The following USP32 variants were observed in gnomAD, a reference collection of about 807,000 sequenced individuals.
The protein encoded by USP32 is ubiquitin carboxyl-terminal hydrolase 32.
A neutral mutation model predicts 204.8 loss-of-function variants in USP32; 59 were observed. That is an observed-to-expected ratio of 0.29 (90% confidence interval 0.23 to 0.36). The LOEUF (loss-of-function observed/expected upper bound fraction) is 0.36, where lower values mean the gene tolerates loss of function less well. Ranked by LOEUF, USP32 falls within the 10% of genes least tolerant of loss-of-function variation. The probability of loss-of-function intolerance (pLI) is 1.00; values close to 1 mark genes in which losing one functional copy is unlikely to be tolerated. For synonymous variants in USP32, 517 were observed against 678.4 expected, an observed-to-expected ratio of 0.76 and a Z score of 3.70; for missense variants, 1,160 against 1,946.4, an observed-to-expected ratio of 0.60 and a Z score of 7.60.
At chr17:60,288,872 C>T (rs1290912591) in intron 4 of USP32, among the ~76,000 whole-genome samples, 190 bp from the exon 5 acceptor site, 3 of 152,198 alleles carry the variant, frequency 2.0e-5, no homozygotes, top group African/African-American at 7.2e-5. Flanking sequence ...ACTTGTGCTT[C>T]ATAACTTCTA....
chr17:60,287,450 C>A (rs1349025440), intron 5 of USP32, among the ~76,000 whole-genome samples: 1 of 152,170 alleles, frequency 6.6e-6, no homozygotes, highest in Non-Finnish European at 1.5e-5. Flanking sequence ...AAACCCTTAC[C>A]CATGAGCCTT....
intron 2 of USP32, among the ~76,000 whole-genome samples, chr17:60,326,400 T>A (rs1448144727): frequency 6.6e-6 from 1 of 151,508 alleles, no homozygotes; most frequent in Non-Finnish European, 1.5e-5. Context: ...AACCTCCGCC[T>A]CCTAGGTTCA....
intron 3 of USP32, among the ~76,000 whole-genome samples, chr17:60,298,480 T>C (rs1000833041): frequency 2.0e-5 from 3 of 152,226 alleles, no homozygotes; most frequent in Admixed American, 6.5e-5. Context: ...TTAGGTTATT[T>C]ATAATACCTA....
At chr17:60,302,829 A>G (rs1334893375) in intron 2 of USP32, among the ~76,000 whole-genome samples, 1 of 152,244 alleles carries the variant, frequency 6.6e-6, no homozygotes, top group Non-Finnish European at 1.5e-5. Flanking sequence ...ACTCTCAGAA[A>G]TAAGTATTAT....
intron 1 of USP32, among the ~76,000 whole-genome samples, chr17:60,348,968 T>C (rs2146016911): frequency 6.6e-6 from 1 of 152,252 alleles, no homozygotes; most frequent in East Asian, 1.9e-4. Context: ...TATTAACATT[T>C]GCAATTGAAG....
chr17:60,323,150 A>T (rs1334848022), intron 2 of USP32, among the ~76,000 whole-genome samples: 1 of 152,186 alleles, frequency 6.6e-6, no homozygotes, highest in East Asian at 1.9e-4. Flanking sequence ...CAAGGTATAT[A>T]TCCAAAGAAA....
intron 1 of USP32, among the ~76,000 whole-genome samples, chr17:60,414,081 G>T (rs865845392): frequency 2.6e-5 from 4 of 151,928 alleles, no homozygotes; most frequent in African/African-American, 9.7e-5. Flanking sequence ...AGATGTTATC[G>T]GCTGGGCGTG....
At chr17:60,410,984 T>C (rs914687485) in intron 1 of USP32, among the ~76,000 whole-genome samples, 2 of 150,912 alleles carry the variant, frequency 1.3e-5, no homozygotes, top group Non-Finnish European at 2.9e-5. Context: ...GAGACCAGCC[T>C]GGACAACATA....
At chr17:60,274,296 A>C (rs961399083) in intron 5 of USP32, among the ~76,000 whole-genome samples, 6 of 152,226 alleles carry the variant, frequency 3.9e-5, no homozygotes, top group African/African-American at 1.4e-4. Context: ...AAAACGTATT[A>C]GAATCTTAGT....
chr17:60,198,230 C>A (rs768252863), intron 27 of USP32, 30 bp downstream of exon 27: 1 of 1,601,588 alleles, frequency 6.2e-7, no homozygotes, highest in Admixed American at 1.8e-5. Flanking sequence ...GTTTGGAAAC[C>A]ACAGGTTTAG....
intron 24 of USP32, 94 bp from the exon 25 acceptor site, chr17:60,207,226 G>A (rs553909602): frequency 2.2e-5 from 33 of 1,478,734 alleles, no homozygotes; most frequent in Non-Finnish European, 2.9e-5. Flanking sequence ...TGTCTTAGGC[G>A]CTTTCATCCG....
chr17:60,241,324 G>A (rs113681537), intron 11 of USP32, among the ~76,000 whole-genome samples: 2,070 of 152,184 alleles, frequency 0.014, 21 homozygotes, highest in Non-Finnish European at 0.02. Flanking sequence ...TATAAATAAG[G>A]TATGTTCTGC....
chr17:60,341,176 T>C (rs898099263), intron 2 of USP32, among the ~76,000 whole-genome samples: 3 of 152,192 alleles, frequency 2.0e-5, no homozygotes, highest in Non-Finnish European at 4.4e-5. Flanking sequence ...AGGAGTATCT[T>C]TGTGGTGTTC....
chr17:60,221,528 G>A (rs1337522506), intron 15 of USP32, among the ~76,000 whole-genome samples: 11 of 148,046 alleles, frequency 7.4e-5, no homozygotes, highest in Admixed American at 1.4e-4. Context: ...TTTTTGAGAC[G>A]GAATCTCGCT....
intron 1 of USP32, among the ~76,000 whole-genome samples, chr17:60,369,423 TAAA>T (rs11348474): frequency 7.1e-5 from 6 of 85,104 alleles, no homozygotes; most frequent in Admixed American, 2.6e-4. Flanking sequence ...GACCCCTACC[TAAA>T]AAAAAAAAAA....
chr17:60,288,665 A>G lies in USP32; in HGVS notation c.429T>C (p.Tyr143=). The part of the protein sequence containing the change: ...KCFSEGEKVN[Y]EKFRNWLFLN... The stretch of plus-strand genomic sequence containing the variant: ...GAAAAAGCCAATTTCTAAACTTTTC[A>G]TAGTTTACCTTTTCACCCTAAAATT... The change falls in exon 5 of 34, where the codon TAT becomes TAC. Residue 143 remains tyrosine (Y), a synonymous_variant. Coordinates refer to ENST00000300896, the MANE Select transcript of USP32 (RefSeq NM_032582.4). 4 of 1,603,810 alleles carry G rather than the reference A, an allele frequency of 2.5e-6. No homozygotes were observed. The highest frequency in any genetic ancestry group is 1.1e-5 in the South Asian group (1 of 89,506).
chr17:60,184,347 C>T (rs2084193439), intron 30 of USP32, among the ~76,000 whole-genome samples: 1 of 151,382 alleles, frequency 6.6e-6, no homozygotes, highest in African/African-American at 2.4e-5. Flanking sequence ...CCCCTCCTCC[C>T]CACCCACCTT....
At chr17:60,202,449 A>AC (rs1268113721) in intron 26 of USP32, among the ~76,000 whole-genome samples, 57 of 149,624 alleles carry the variant, frequency 3.8e-4, no homozygotes, top group African/African-American at 9.5e-4. Flanking sequence ...CAAATCACAC[A>AC]CACACACACA....
chr17:60,185,203 C>G (rs1028651792), intron 30 of USP32, among the ~76,000 whole-genome samples: 18 of 152,232 alleles, frequency 1.2e-4, no homozygotes, highest in African/African-American at 4.1e-4. Flanking sequence ...TGTGGCAGTT[C>G]TCACATTGCA....
Sources: allele counts gnomAD v4.1 joint callset (sites outside exome capture counted in the v4.1 genomes callset), GRCh38; gene constraint gnomAD v4.1.1; transcripts MANE v1.5; gene names NCBI Gene and HGNC (gene_info 2026-07-23, HGNC 2026-07-21).